ATG7: variants seen among roughly 807,000 people sequenced by gnomAD.
ATG7 encodes the protein autophagy related 7, also known as ubiquitin-like modifier-activating enzyme ATG7.
In ATG7, 70 loss-of-function variants were observed where a neutral mutation model predicts 82.4. That is an observed-to-expected ratio of 0.85 (90% CI 0.70 to 1.04). The LOEUF (loss-of-function observed/expected upper bound fraction) is 1.04, where lower values mean the gene tolerates loss of function less well. ATG7 is among the 50% of genes least tolerant of loss of function. ATG7 has a pLI of 0.00. For synonymous variants in ATG7, 287 were observed against 313.0 expected, an observed-to-expected ratio of 0.92 and a Z score of 0.88; for missense variants, 792 against 864.3, an observed-to-expected ratio of 0.92 and a Z score of 1.05.
chr3:11,443,911 C>T (rs929089364), intron 20 of ATG7, among the ~76,000 whole-genome samples: 8 of 152,142 alleles, frequency 5.3e-5, no homozygotes, highest in Non-Finnish European at 1.2e-4. Context: ...AAAAAATACT[C>T]TCGTTGCCCT....
At chr3:11,477,408 A>G in intron 20 of ATG7, 1 of 729,030 alleles carries the variant, frequency 1.4e-6, no homozygotes, top group South Asian at 4.0e-5. Context: ...GTGTATTTAT[A>G]TAATTCTATT....
chr3:11,573,353 AAGAAAGAAAG>A, the ATG7 span, among the ~76,000 whole-genome samples: 1 of 100,978 alleles, frequency 9.9e-6, no homozygotes, highest in Non-Finnish European at 2.5e-5. Context: ...GAAAGAAAGA[AAGAAAGAAAG>A]AAAGAAAGAA....
At chr3:11,521,922 C>T (rs540301554) in intron 20 of ATG7, among the ~76,000 whole-genome samples, 3 of 152,288 alleles carry the variant, frequency 2.0e-5, no homozygotes, top group Admixed American at 1.3e-4. Context: ...CTGCCGACAA[C>T]AATAACAAAG....
At chr3:11,383,438 T>C (rs2078068224) in intron 19 of ATG7, among the ~76,000 whole-genome samples, 1 of 152,174 alleles carries the variant, frequency 6.6e-6, no homozygotes, top group South Asian at 2.1e-4. Context: ...ATATATTATA[T>C]ACCTTTCGGT....
At chr3:11,311,874 T>C (rs959956135) in intron 7 of ATG7, among the ~76,000 whole-genome samples, 2 of 151,616 alleles carry the variant, frequency 1.3e-5, no homozygotes, top group African/African-American at 4.9e-5. Flanking sequence ...ATTACAATTA[T>C]TAGACTTTCT....
chr3:11,483,520 T>C (rs1464163136), intron 20 of ATG7, among the ~76,000 whole-genome samples: 3 of 152,292 alleles, frequency 2.0e-5, no homozygotes, highest in East Asian at 1.9e-4. Context: ...CCCCTTCCGA[T>C]GTGCGAATGT....
chr3:11,540,787 TTAA>T (rs1468197957), intron 20 of ATG7, among the ~76,000 whole-genome samples: 3 of 152,118 alleles, frequency 2.0e-5, no homozygotes, highest in African/African-American at 4.8e-5. Flanking sequence ...TGAAGTTCAG[TTAA>T]TAATTTTTTT....
intron 20 of ATG7, among the ~76,000 whole-genome samples, chr3:11,543,104 A>C (rs1303065225): frequency 6.6e-6 from 1 of 151,908 alleles, no homozygotes; most frequent in Non-Finnish European, 1.5e-5. Context: ...CCCACGGTGC[A>C]GGAGCAGCCC....
At chr3:11,410,326 T>C (rs1037249587) in intron 19 of ATG7, among the ~76,000 whole-genome samples, 6 of 152,102 alleles carry the variant, frequency 3.9e-5, no homozygotes, top group Admixed American at 6.5e-5. Flanking sequence ...GTGAATGATA[T>C]TGTATTTTTT....
chr3:11,379,875 T>G, intron 18 of ATG7, 97 bp from the exon 19 acceptor site: 1 of 1,213,452 alleles, frequency 8.2e-7, no homozygotes. Flanking sequence ...GCCGCCATAT[T>G]AATCATTTCC....
chr3:11,329,577 A>G (rs719520), intron 9 of ATG7, among the ~76,000 whole-genome samples: 2 of 152,110 alleles, frequency 1.3e-5, no homozygotes, highest in Non-Finnish European at 2.9e-5. Flanking sequence ...TCTGCTCTGT[A>G]TTTATGAAGG....
intron 20 of ATG7, among the ~76,000 whole-genome samples, chr3:11,457,259 G>T (rs2085827262): frequency 6.6e-6 from 1 of 152,136 alleles, no homozygotes; most frequent in Non-Finnish European, 1.5e-5. Context: ...AACTCTTGCG[G>T]CGGGAAGATC....
intron 5 of ATG7, among the ~76,000 whole-genome samples, 190 bp downstream of exon 5, chr3:11,299,606 A>C (rs1002091225): frequency 1.3e-5 from 2 of 152,120 alleles, no homozygotes; most frequent in African/African-American, 4.8e-5. Context: ...CTGCCTGGTT[A>C]ATTTTTCACC....
intron 20 of ATG7, among the ~76,000 whole-genome samples, chr3:11,432,730 G>A (rs1414959481): frequency 6.6e-6 from 1 of 152,134 alleles, no homozygotes; most frequent in African/African-American, 2.4e-5. Flanking sequence ...GGGATTAGGA[G>A]GTTCAATGGA....
At chr3:11,287,589 G>A (rs916787356) in intron 3 of ATG7, among the ~76,000 whole-genome samples, 1 of 152,236 alleles carries the variant, frequency 6.6e-6, no homozygotes. Flanking sequence ...TGCTTAAGAT[G>A]TAGAATGCTG....
chr3:11,561,135 A>G (rs2072956362), downstream of ATG7, among the ~76,000 whole-genome samples: 1 of 147,258 alleles, frequency 6.8e-6, no homozygotes, highest in Non-Finnish European at 1.5e-5. Context: ...ACCCCCCCCC[A>G]GGGTCCTCCC....
At chr3:11,326,834 T>C (rs1336272160) in intron 9 of ATG7, among the ~76,000 whole-genome samples, 1 of 152,216 alleles carries the variant, frequency 6.6e-6, no homozygotes, top group Admixed American at 6.5e-5. Flanking sequence ...TTCTCAGAGT[T>C]CTCTCACTTC....
intron 19 of ATG7, 88 bp downstream of exon 19, chr3:11,380,140 C>A: frequency 7.9e-7 from 1 of 1,264,990 alleles, no homozygotes; most frequent in Non-Finnish European, 1.2e-6. Flanking sequence ...GCCCTTGAAA[C>A]CAACTAAGGG....
At chr3:11,545,010 C>T (rs1433329630) in intron 20 of ATG7, among the ~76,000 whole-genome samples, 4 of 152,132 alleles carry the variant, frequency 2.6e-5, no homozygotes, top group African/African-American at 9.7e-5. Flanking sequence ...GCAGGGAAGT[C>T]GCTGCAGACC....
Sources: gnomAD v4.1 joint callset for allele counts (sites outside exome capture counted in the v4.1 genomes callset) on GRCh38, gnomAD v4.1.1 for gene constraint, MANE v1.5 for transcripts, NCBI Gene and HGNC (gene_info 2026-07-23, HGNC 2026-07-21) for gene names.